The following FANCD2 variants were observed in gnomAD, a reference collection of about 807,000 sequenced individuals.
FANCD2 encodes FA complementation group D2, also known as Fanconi anemia group D2 protein.
FANCD2 carries 131 observed loss-of-function variants against 192.3 expected under a neutral mutation model. The observed-to-expected ratio is 0.68, with a 90% confidence interval of 0.59 to 0.79. The LOEUF (loss-of-function observed/expected upper bound fraction) is 0.79. FANCD2 is among the 30% of genes least tolerant of loss of function. The pLI is 0.00. For synonymous variants in FANCD2, 524 were observed against 612.5 expected, an observed-to-expected ratio of 0.86 and a Z score of 2.13; for missense variants, 1,508 against 1,701.6, an observed-to-expected ratio of 0.89 and a Z score of 2.00.
chr3:10,093,082 C>T lies in FANCD2; in HGVS notation c.3850-203C>T, dbSNP rs12374115. 0.21 allele frequency among the ~76,000 whole-genome samples: 31,535 copies of T among 152,108 alleles called. 3,963 individuals are homozygous for T. Among genetic ancestry groups the T allele is most frequent in the African/African-American group, 0.35 (14,664 of 41,458 alleles). ...ACTCCCAGTTGGAATCAGTTTATTT[C>T]TCTTTGCTCGTCTCTTCCTTTTCTT... On this transcript the variant is annotated intron_variant, in intron 38 of 43. Transcript: ENST00000675286.
intron 14 of FANCD2, among the ~76,000 whole-genome samples, chr3:10,044,440 G>T (rs2086945369): frequency 6.6e-6 from 1 of 151,924 alleles, no homozygotes; most frequent in Non-Finnish European, 1.5e-5. Flanking sequence ...GGCTGAGGCA[G>T]GCGGATCATC....
Position 10,067,227 on chromosome 3 carries a change from C to A in FANCD2, c.2404C>A (p.Gln802Lys). The change falls in exon 26 of 44, where the codon CAG becomes AAG. Residue 802 changes from glutamine to lysine, a missense_variant. Gln to Lys is a moderately conservative substitution (Grantham distance 53). Coordinates refer to ENST00000675286, the MANE Select transcript of FANCD2 (RefSeq NM_001018115.3). ...WFREIVNAFC[Q>K]ETSPEMKGKV... is the part of the protein sequence containing the mutation. The stretch of plus-strand genomic sequence containing the variant: ...TTTGCAGATTGTAAATGCCTTCTGC[C>A]AGGAAACATCACCTGAGATGAAGGG... 6.2e-7 allele frequency: 1 copy of A among 1,612,040 alleles called. No individual in the cohort carries two copies. The highest frequency in any genetic ancestry group is 8.5e-7 in the Non-Finnish European group (1 of 1,178,224).
At chr3:10,055,435 C>T (rs892310820) in intron 18 of FANCD2, among the ~76,000 whole-genome samples, 4 of 152,086 alleles carry the variant, frequency 2.6e-5, no homozygotes, top group South Asian at 2.1e-4. Context: ...TTTTGCGTCT[C>T]GCTTATTTCA....
chr3:10,031,517 AG>A (rs2086603243), intron 2 of FANCD2, among the ~76,000 whole-genome samples: 2 of 150,096 alleles, frequency 1.3e-5, no homozygotes, highest in Admixed American at 6.6e-5. Flanking sequence ...AAAAAAAAAA[AG>A]AAAGAGGGAG....
At chr3:10,034,665 A>G (rs769771419) in intron 4 of FANCD2, 30 bp from the exon 5 acceptor site, 49 of 1,514,264 alleles carry the variant, frequency 3.2e-5, no homozygotes, top group Middle Eastern at 2.0e-4. Context: ...TAAAAATTTT[A>G]TTCTTTTTTA....
At chr3:10,048,293 C>T (rs1216019968) in intron 16 of FANCD2, among the ~76,000 whole-genome samples, 3 of 152,188 alleles carry the variant, frequency 2.0e-5, no homozygotes, top group African/African-American at 2.4e-5. Flanking sequence ...CATTTCAAAA[C>T]ATGAGACACT....
At chr3:10,089,285 C>CA (rs762191428) in intron 36 of FANCD2, among the ~76,000 whole-genome samples, 5,613 of 141,094 alleles carry the variant, frequency 0.04, 122 homozygotes, top group Non-Finnish European at 0.056. Flanking sequence ...AACTCCATCT[C>CA]AAAAAAAAAA....
chr3:10,036,509 T>C (rs769718373), intron 7 of FANCD2, among the ~76,000 whole-genome samples, 170 bp downstream of exon 7: 2 of 152,112 alleles, frequency 1.3e-5, no homozygotes, highest in Non-Finnish European at 2.9e-5. Context: ...TCTATTAATA[T>C]GACTTTGTAA....
intron 34 of FANCD2, among the ~76,000 whole-genome samples, chr3:10,087,605 G>A (rs1188436477): frequency 6.6e-6 from 1 of 151,808 alleles, no homozygotes; most frequent in African/African-American, 2.4e-5. Flanking sequence ...AAATAAAGGA[G>A]AAATCAGGGT....
intron 17 of FANCD2, among the ~76,000 whole-genome samples, chr3:10,050,540 G>C (rs532444624): frequency 1.3e-5 from 2 of 148,286 alleles, no homozygotes; most frequent in African/African-American, 2.5e-5. Flanking sequence ...GGAGAATGGC[G>C]TGAACCCAGG....
intron 2 of FANCD2, chr3:10,032,499 G>A: frequency 6.4e-6 from 2 of 312,764 alleles, no homozygotes; most frequent in Non-Finnish European, 1.2e-5. Flanking sequence ...TGGGGGGGTG[G>A]TCTCACTTTG....
intron 16 of FANCD2, 145 bp from the exon 17 acceptor site, chr3:10,049,229 T>A (rs2087123329): frequency 1.2e-6 from 1 of 846,752 alleles, no homozygotes; most frequent in African/African-American, 1.9e-5. Flanking sequence ...AAGCCAACAT[T>A]AATGAAAACT....
chr3:10,098,759 G>T lies in FANCD2; in HGVS notation c.4225G>T (p.Ala1409Ser), dbSNP rs1168136231. 1 of 1,614,146 alleles carries T rather than the reference G, an allele frequency of 6.2e-7. No individual in the cohort carries two copies. Among genetic ancestry groups the T allele is most frequent in the South Asian group, 1.1e-5 (1 of 91,080 alleles). The change falls in exon 43 of 44, where the codon GCA becomes TCA. Residue 1409 changes from alanine (A) to serine (S), a missense_variant. By Grantham distance (99) the Ala-to-Ser change is moderately conservative. Coordinates refer to ENST00000675286, the MANE Select transcript of FANCD2 (RefSeq NM_001018115.3). ...IKSQNSQEST[A>S]DESEDDMSSQ... ...GTCCCAAAATTCCCAGGAGAGCACAGCAGATGAGAGTGAGGATGACATGTC... is the reference window on the plus strand; with the variant it reads ...GTCCCAAAATTCCCAGGAGAGCACATCAGATGAGAGTGAGGATGACATGTC...
intron 18 of FANCD2, among the ~76,000 whole-genome samples, chr3:10,057,424 G>A (rs2087445286): frequency 6.6e-6 from 1 of 150,882 alleles, no homozygotes; most frequent in Admixed American, 6.6e-5. Context: ...GAGTGCAGTG[G>A]CACAATCTCA....
At chr3:10,097,002 C>G (rs1243885528) in intron 42 of FANCD2, among the ~76,000 whole-genome samples, 1 of 151,966 alleles carries the variant, frequency 6.6e-6, no homozygotes, top group Admixed American at 6.6e-5. Context: ...GCTGGGCGTC[C>G]GGGGGAGACA....
At chr3:10,058,484 C>G (rs746384555) in intron 18 of FANCD2, among the ~76,000 whole-genome samples, 2 of 152,048 alleles carry the variant, frequency 1.3e-5, no homozygotes, top group African/African-American at 2.4e-5. Flanking sequence ...AAATTTAGGT[C>G]TTTGATCCAC....
chr3:10,056,607 C>T (rs1193307100), intron 18 of FANCD2, among the ~76,000 whole-genome samples: 1 of 152,140 alleles, frequency 6.6e-6, no homozygotes, highest in Non-Finnish European at 1.5e-5. Context: ...TCATACTTCA[C>T]TGCAGCCTGG....
At chr3:10,040,428 A>AT in intron 9 of FANCD2, 1 of 453,012 alleles carries the variant, frequency 2.2e-6, no homozygotes, top group Non-Finnish European at 4.4e-6. Flanking sequence ...GAAGTTGACC[A>AT]TGATCCCTTA....
At chr3:10,071,052 C>G (rs1421229538) in intron 26 of FANCD2, among the ~76,000 whole-genome samples, 1 of 148,274 alleles carries the variant, frequency 6.7e-6, no homozygotes, top group Non-Finnish European at 1.5e-5. Context: ...TGTTTATCTG[C>G]CGACCTTCCC....
Sources: gnomAD v4.1 joint callset for allele counts (sites outside exome capture counted in the v4.1 genomes callset) on GRCh38, gnomAD v4.1.1 for gene constraint, MANE v1.5 for transcripts, NCBI Gene and HGNC (gene_info 2026-07-23, HGNC 2026-07-21) for gene names.